Variants in ARHGEF4 observed in about 807,000 individuals in gnomAD.
ARHGEF4 encodes APC-stimulated guanine nucleotide exchange factor 1.
In ARHGEF4, 119 loss-of-function variants were observed where a neutral mutation model predicts 162.0. The observed-to-expected ratio is 0.73, with a 90% CI of 0.63 to 0.86. The LOEUF is 0.86. ARHGEF4 is among the 40% of genes least tolerant of loss of function. ARHGEF4 has a pLI of 0.00. For missense variants in ARHGEF4, 2,488 were observed against 2,456.0 expected, an observed-to-expected ratio of 1.01 and a Z score of -0.28; for synonymous variants, 1,014 against 979.9, an observed-to-expected ratio of 1.03 and a Z score of -0.65.
intron 1 of ARHGEF4, among the ~76,000 whole-genome samples, chr2:130,850,813 C>T (rs1681356882): frequency 6.6e-6 from 1 of 152,246 alleles, no homozygotes; most frequent in South Asian, 2.1e-4. Flanking sequence ...AATCCCCTGC[C>T]ACTGTACAGT....
intron 5 of ARHGEF4, chr2:131,035,130 G>A (rs1690152544): frequency 9.3e-6 from 11 of 1,179,394 alleles, no homozygotes; most frequent in Non-Finnish European, 1.2e-5. Context: ...GCCCCGCGGC[G>A]CCCGGGAACG....
chr2:130,931,589 C>T (rs1682636561), intron 3 of ARHGEF4, among the ~76,000 whole-genome samples: 1 of 152,242 alleles, frequency 6.6e-6, no homozygotes. Context: ...GTGTGCCCGA[C>T]ATGATTAGAC....
chr2:130,889,811 CAA>C (rs35297177), intron 1 of ARHGEF4, among the ~76,000 whole-genome samples: 9 of 67,660 alleles, frequency 1.3e-4, no homozygotes, highest in Admixed American at 1.6e-4. Context: ...GACTCCGTCT[CAA>C]AAAAAAAAAA....
intron 3 of ARHGEF4, among the ~76,000 whole-genome samples, chr2:130,942,672 T>C (rs9630955): frequency 0.98 from 149,558 of 152,294 alleles, 73,482 homozygotes; most frequent in Middle Eastern, 1. Flanking sequence ...ACTGGAACTA[T>C]GGTGCAGTTT....
At position 130,987,325 on chromosome 2, in the gene ARHGEF4, C is replaced by T. The variant is rs147999728; in HGVS notation, c.3986-40620C>T. On this transcript the variant is annotated intron_variant, in intron 4 of 13. Transcript: ENST00000409359. ...GGTGTGTCTGGAGTTGGTTCCCGCC[C>T]GGTGGGTTTGTGGTCTTGCTGACTT... Among the ~76,000 whole-genome samples, 290 of 152,250 alleles carry T rather than the reference C, an allele frequency of 1.9e-3. 3 individuals carry two copies. The highest frequency in any genetic ancestry group is 6.8e-3 in the African/African-American group (281 of 41,558).
intron 4 of ARHGEF4, among the ~76,000 whole-genome samples, chr2:131,001,817 G>T (rs1254750763): frequency 1.3e-5 from 2 of 152,134 alleles, no homozygotes; most frequent in African/African-American, 4.8e-5. Flanking sequence ...GTACACCTTA[G>T]GATATGTGCA....
intron 8 of ARHGEF4, 110 bp from the exon 9 acceptor site, chr2:131,041,120 C>G: frequency 3.8e-6 from 4 of 1,048,060 alleles, no homozygotes; most frequent in Non-Finnish European, 5.6e-6. Flanking sequence ...CCCTAGCCCC[C>G]AGCCCAGCTC....
intron 4 of ARHGEF4, among the ~76,000 whole-genome samples, chr2:131,022,166 T>A (rs941845047): frequency 6.6e-6 from 1 of 152,194 alleles, no homozygotes; most frequent in African/African-American, 2.4e-5. Flanking sequence ...TGTTATAGAA[T>A]GAGTTGGGAA....
chr2:130,991,997 T>G (rs1189730703), intron 4 of ARHGEF4, among the ~76,000 whole-genome samples: 1 of 152,158 alleles, frequency 6.6e-6, no homozygotes, highest in Non-Finnish European at 1.5e-5. Context: ...TCAAGGTTTG[T>G]AAACACACCA....
chr2:130,838,372 G>T (rs185148562), intron 1 of ARHGEF4, among the ~76,000 whole-genome samples: 8 of 145,932 alleles, frequency 5.5e-5, no homozygotes, highest in South Asian at 2.1e-4. Context: ...GAGGCCGAGT[G>T]GGGGGGGCGG....
intron 4 of ARHGEF4, among the ~76,000 whole-genome samples, chr2:130,977,580 T>C (rs1412973074): frequency 6.6e-6 from 1 of 152,010 alleles, no homozygotes; most frequent in Non-Finnish European, 1.5e-5. Context: ...GTTACATGTA[T>C]GTTGTGTATG....
At chr2:130,926,121 TTCC>T (rs1371521510) in intron 2 of ARHGEF4, among the ~76,000 whole-genome samples, 2 of 151,520 alleles carry the variant, frequency 1.3e-5, no homozygotes, top group Non-Finnish European at 2.9e-5. Context: ...ATTCTGTCTC[TTCC>T]ATCTACAAGT....
intron 4 of ARHGEF4, among the ~76,000 whole-genome samples, chr2:130,991,633 C>T (rs1194134834): frequency 2.0e-5 from 3 of 152,240 alleles, no homozygotes; most frequent in African/African-American, 7.2e-5. Context: ...GCAGTGCCAG[C>T]CCACCCGCGC....
chr2:131,035,688 G>GT (rs1267915619), intron 5 of ARHGEF4: 1 of 985,984 alleles, frequency 1.0e-6, no homozygotes, highest in Non-Finnish European at 1.2e-6. Context: ...ACCTGCAGTT[G>GT]TTTTTCCCGT....
At chr2:130,857,040 G>A (rs550550197) in intron 1 of ARHGEF4, among the ~76,000 whole-genome samples, 2 of 152,194 alleles carry the variant, frequency 1.3e-5, no homozygotes, top group South Asian at 2.1e-4. Flanking sequence ...GGCTAACATG[G>A]TGAAACCCCG....
At chr2:131,023,424 C>T (rs763012794) in intron 4 of ARHGEF4, among the ~76,000 whole-genome samples, 3 of 151,766 alleles carry the variant, frequency 2.0e-5, no homozygotes, top group Non-Finnish European at 2.9e-5. Context: ...CAAAGCAAGA[C>T]CTCATCTTAA....
intron 4 of ARHGEF4, among the ~76,000 whole-genome samples, chr2:130,953,916 A>G (rs1446430570): frequency 6.6e-6 from 1 of 152,250 alleles, no homozygotes. Context: ...GGTGTTGGAG[A>G]GAATGTGGAG....
At chr2:130,838,646 G>A (rs1680383049) in intron 1 of ARHGEF4, among the ~76,000 whole-genome samples, 1 of 150,526 alleles carries the variant, frequency 6.6e-6, no homozygotes, top group African/African-American at 2.5e-5. Context: ...GGAAGGAAAG[G>A]AAGGAAGGAA....
At chr2:130,837,758 C>T (rs912547985) in intron 1 of ARHGEF4, 20 of 324,298 alleles carry the variant, frequency 6.2e-5, no homozygotes, top group Non-Finnish European at 1.1e-4. Context: ...CGATGGGCTC[C>T]TACTCCGGGA....
Sources: gnomAD v4.1 joint callset for allele counts (sites outside exome capture counted in the v4.1 genomes callset) on GRCh38, gnomAD v4.1.1 for gene constraint, MANE v1.5 for transcripts, NCBI Gene and HGNC (gene_info 2026-07-23, HGNC 2026-07-21) for gene names.